The following PSD3 variants were observed in gnomAD, a reference collection of about 807,000 sequenced individuals.
The protein encoded by PSD3 is PH and SEC7 domain-containing protein 3.
PSD3 carries 49 observed loss-of-function variants against 105.5 expected under a neutral mutation model. The ratio of observed to expected loss-of-function variants is 0.46; its 90% CI spans 0.37 to 0.59. The LOEUF (loss-of-function observed/expected upper bound fraction) is 0.59, where lower values mean the gene tolerates loss of function less well. PSD3 is among the 20% of genes least tolerant of loss of function. The pLI, the probability that PSD3 is intolerant of heterozygous loss-of-function variation, is 0.00. For missense variants in PSD3, 1,561 were observed against 1,263.8 expected, an observed-to-expected ratio of 1.24 and a Z score of -3.57; for synonymous variants, 557 against 457.8, an observed-to-expected ratio of 1.22 and a Z score of -2.77.
chr8:18,540,406 T>C (rs2129960639), intron 15 of PSD3, among the ~76,000 whole-genome samples: 1 of 152,322 alleles, frequency 6.6e-6, no homozygotes, highest in East Asian at 1.9e-4. Flanking sequence ...TGCCTGTGTC[T>C]GTAACCACTT....
At chr8:18,597,017 A>G (rs1804154830) in intron 12 of PSD3, among the ~76,000 whole-genome samples, 2 of 152,184 alleles carry the variant, frequency 1.3e-5, no homozygotes, top group Non-Finnish European at 2.9e-5. Context: ...CAGTACTGCA[A>G]GAAAACTACT....
At chr8:19,007,588 T>C (rs1826751124) in intron 1 of PSD3, among the ~76,000 whole-genome samples, 1 of 152,168 alleles carries the variant, frequency 6.6e-6, no homozygotes, top group Admixed American at 6.5e-5. Flanking sequence ...AGTTCTTAGG[T>C]ACTGTAGTTT....
At chr8:18,690,693 A>G (rs78933647) in intron 9 of PSD3, among the ~76,000 whole-genome samples, 129 of 152,242 alleles carry the variant, frequency 8.5e-4, no homozygotes, top group African/African-American at 3.1e-3. Flanking sequence ...GCTTTCCTAA[A>G]CGGGACTCAG....
intron 11 of PSD3, among the ~76,000 whole-genome samples, chr8:18,616,918 C>T (rs374219607): frequency 1.6e-4 from 25 of 152,228 alleles, no homozygotes; most frequent in African/African-American, 4.3e-4. Context: ...CCACCGCGCC[C>T]GGCCATCTTC....
chr8:19,054,263 G>C (rs886566918), intron 1 of PSD3, among the ~76,000 whole-genome samples: 3 of 152,144 alleles, frequency 2.0e-5, no homozygotes, highest in African/African-American at 7.2e-5. Flanking sequence ...ACACATTTTG[G>C]ACTGTACAGG....
At chr8:18,877,370 T>A (rs950524314) in intron 2 of PSD3, among the ~76,000 whole-genome samples, 4 of 152,168 alleles carry the variant, frequency 2.6e-5, no homozygotes, top group African/African-American at 9.7e-5. Flanking sequence ...TCCAACTTCA[T>A]TATTTTGTAT....
At chr8:18,944,340 C>T (rs931901170) in intron 1 of PSD3, among the ~76,000 whole-genome samples, 6 of 152,096 alleles carry the variant, frequency 3.9e-5, no homozygotes, top group Non-Finnish European at 5.9e-5. Flanking sequence ...GAGGCCAAGG[C>T]GGGCAGATGA....
chr8:19,024,350 G>C (rs1827470748), intron 1 of PSD3, among the ~76,000 whole-genome samples: 1 of 152,172 alleles, frequency 6.6e-6, no homozygotes, highest in African/African-American at 2.4e-5. Context: ...GCAGGGCTTA[G>C]AGACACTGCT....
intron 8 of PSD3, among the ~76,000 whole-genome samples, chr8:18,784,681 T>C (rs1808960743): frequency 6.6e-6 from 1 of 152,154 alleles, no homozygotes; most frequent in Non-Finnish European, 1.5e-5. Flanking sequence ...TCAAAGATAT[T>C]GCAAAGGATA....
chr8:18,638,522 C>G (rs778794621), intron 10 of PSD3, among the ~76,000 whole-genome samples: 1 of 148,798 alleles, frequency 6.7e-6, no homozygotes, highest in Non-Finnish European at 1.5e-5. Flanking sequence ...AACAATCCCA[C>G]TTCCAAAAGC....
chr8:18,633,082 T>G (rs983888251), intron 10 of PSD3, among the ~76,000 whole-genome samples: 1 of 152,048 alleles, frequency 6.6e-6, no homozygotes, highest in African/African-American at 2.4e-5. Context: ...GATTTAGTGA[T>G]GAACAGATAA....
chr8:19,066,908 G>C (rs1829093118), intron 1 of PSD3, among the ~76,000 whole-genome samples: 1 of 152,180 alleles, frequency 6.6e-6, no homozygotes, highest in Admixed American at 6.5e-5. Context: ...ATAGCATCTT[G>C]ACATTCTTGG....
At chr8:18,589,390 T>C (rs1264204412) in intron 12 of PSD3, among the ~76,000 whole-genome samples, 1 of 152,166 alleles carries the variant, frequency 6.6e-6, no homozygotes, top group African/African-American at 2.4e-5. Context: ...TCTTTGGGTT[T>C]CAGCTAACTC....
chr8:18,784,347 C>T (rs1585976949), intron 8 of PSD3, among the ~76,000 whole-genome samples: 1 of 152,148 alleles, frequency 6.6e-6, no homozygotes, highest in Non-Finnish European at 1.5e-5. Flanking sequence ...GACTTTTTCC[C>T]TACACTCATA....
At chr8:18,774,994 C>T (rs1563251417) in intron 8 of PSD3, 1 of 456,040 alleles carries the variant, frequency 2.2e-6, no homozygotes. Flanking sequence ...CTTTCAAAAC[C>T]CTTTCTAAAT....
Position 18,625,187 on chromosome 8 carries a change from T to TACACACACAC in PSD3, c.2410+7416_2410+7425dup, listed in dbSNP as rs3042894. On this transcript the variant is annotated intron_variant, in intron 11 of 15. Transcript: ENST00000327040. ...TTTGTGTTAGAACTGAGGTGGGGAA[T>TACACACACAC]ACACACACACACACACACACACACA... is the stretch of plus-strand genomic sequence containing the variant. 8.3e-3 allele frequency among the ~76,000 whole-genome samples: 1,237 copies of TACACACACAC among 149,362 alleles called. 14 individuals are homozygous for TACACACACAC. Among genetic ancestry groups the TACACACACAC allele is most frequent in the African/African-American group, 0.028 (1,155 of 40,592 alleles).
At chr8:18,724,157 G>C (rs529407613) in intron 9 of PSD3, among the ~76,000 whole-genome samples, 2 of 152,188 alleles carry the variant, frequency 1.3e-5, no homozygotes, top group African/African-American at 2.4e-5. Context: ...AGGGGTGGAA[G>C]AATCATGTGG....
intron 2 of PSD3, among the ~76,000 whole-genome samples, chr8:18,890,958 T>C (rs1818748013): frequency 6.6e-6 from 1 of 152,182 alleles, no homozygotes; most frequent in Non-Finnish European, 1.5e-5. Context: ...AGAAACTCTC[T>C]ACCAGTTTCT....
intron 6 of PSD3, among the ~76,000 whole-genome samples, chr8:18,804,133 T>C (rs891154841): frequency 2.0e-5 from 3 of 152,266 alleles, no homozygotes; most frequent in East Asian, 3.9e-4. Context: ...TTAATATCTA[T>C]AATACAATTT....
Sources: allele counts gnomAD v4.1 joint callset (sites outside exome capture counted in the v4.1 genomes callset), GRCh38; gene constraint gnomAD v4.1.1; transcripts MANE v1.5; gene names NCBI Gene and HGNC (gene_info 2026-07-23, HGNC 2026-07-21).